Variants in BAZ2B observed in about 807,000 individuals in gnomAD.
BAZ2B encodes bromodomain adjacent to zinc finger domain protein 2B.
BAZ2B carries 91 observed loss-of-function variants against 246.0 expected under a neutral mutation model. The ratio of observed to expected loss-of-function variants is 0.37; its 90% CI spans 0.31 to 0.44. The LOEUF (loss-of-function observed/expected upper bound fraction) is 0.44, where lower values mean the gene tolerates loss of function less well. BAZ2B is among the 20% of genes least tolerant of loss of function. The probability of loss-of-function intolerance (pLI) is 1.00; values close to 1 mark genes in which losing one functional copy is unlikely to be tolerated. For synonymous variants in BAZ2B, 855 were observed against 860.0 expected, an observed-to-expected ratio of 0.99 and a Z score of 0.10; for missense variants, 2,332 against 2,533.7, an observed-to-expected ratio of 0.92 and a Z score of 1.71.
rs780466858 is a variant in BAZ2B, at chr2:159,347,641, T to C, written c.5299A>G (p.Ile1767Val). The C allele has an allele frequency of 1.2e-6, 2 of 1,600,862 alleles. No homozygotes were observed. The highest frequency in any genetic ancestry group is 1.1e-5 in the South Asian group (1 of 89,660). ...QACLKNKDVAIIELNENEENQ... is the reference protein window; with the variant it reads ...QACLKNKDVAVIELNENEENQ... ...TCTTCATTTTCATTCAGTTCAATAA[T>C]AGCAACTACATTTAAAAAGAAATTA... The change falls in exon 31 of 37, where the codon ATT becomes GTT. Residue 1767 changes from isoleucine (I) to valine (V), a missense_variant. By Grantham distance (29) the Ile-to-Val change is conservative. Around this residue, in one of 9 missense-constraint regions of BAZ2B, gnomAD observed 676 missense variants for 668.6 expected, o/e 1.01. Transcript: ENST00000392783.
chr2:159,424,747 T>C (rs2069465471), intron 13 of BAZ2B, among the ~76,000 whole-genome samples: 1 of 152,208 alleles, frequency 6.6e-6, no homozygotes, highest in Admixed American at 6.5e-5. Flanking sequence ...TAACACAGTA[T>C]TGGCATATAA....
chr2:159,654,382 T>C, the BAZ2B span, among the ~76,000 whole-genome samples: 1 of 152,086 alleles, frequency 6.6e-6, no homozygotes, highest in Non-Finnish European at 1.5e-5. Flanking sequence ...CTTGAATATA[T>C]CACATATTAT....
At chr2:159,325,139 A>G (rs2063509681) in intron 35 of BAZ2B, among the ~76,000 whole-genome samples, 185 bp from the exon 36 acceptor site, 1 of 66,010 alleles carries the variant, frequency 1.5e-5, no homozygotes, top group Non-Finnish European at 2.7e-5. Flanking sequence ...ATATATATAT[A>G]TATATATATG....
chr2:159,657,305 G>A, the BAZ2B span, among the ~76,000 whole-genome samples: 1 of 152,036 alleles, frequency 6.6e-6, no homozygotes, highest in Non-Finnish European at 1.5e-5. Context: ...TCTTTGCGTA[G>A]GTCTATTTCT....
chr2:159,426,261 A>G (rs1279594170), intron 13 of BAZ2B, among the ~76,000 whole-genome samples: 1 of 152,192 alleles, frequency 6.6e-6, no homozygotes, highest in Non-Finnish European at 1.5e-5. Context: ...AGGTCTAATT[A>G]TCACTGATAT....
chr2:159,403,368 G>A (rs2065399341), intron 16 of BAZ2B, among the ~76,000 whole-genome samples: 1 of 152,150 alleles, frequency 6.6e-6, no homozygotes. Flanking sequence ...CTTTTTCAAT[G>A]AGTAGCAAAG....
At chr2:159,334,401 T>C (rs1045586460) in intron 33 of BAZ2B, among the ~76,000 whole-genome samples, 4 of 152,178 alleles carry the variant, frequency 2.6e-5, no homozygotes, top group Non-Finnish European at 4.4e-5. Context: ...TAGAGAATTA[T>C]CTGGAGGCAA....
chr2:159,326,411 A>C (rs1340467617), intron 34 of BAZ2B, among the ~76,000 whole-genome samples: 1 of 152,142 alleles, frequency 6.6e-6, no homozygotes, highest in Non-Finnish European at 1.5e-5. Context: ...ATCTACTAGA[A>C]ATTGATTTGA....
intron 2 of BAZ2B, among the ~76,000 whole-genome samples, chr2:159,527,907 C>T (rs1316180767): frequency 6.6e-6 from 1 of 152,138 alleles, no homozygotes; most frequent in African/African-American, 2.4e-5. Context: ...ACTTGGAAGC[C>T]TTCTCACAGG....
At chr2:159,566,136 C>T (rs368657691) in intron 1 of BAZ2B, among the ~76,000 whole-genome samples, 34 of 152,182 alleles carry the variant, frequency 2.2e-4, no homozygotes, top group African/African-American at 5.5e-4. Flanking sequence ...CTCAGCCTCC[C>T]GAGTAGTTGA....
At chr2:159,603,664 C>T (rs1220511108) in intron 1 of BAZ2B, among the ~76,000 whole-genome samples, 1 of 150,484 alleles carries the variant, frequency 6.6e-6, no homozygotes, top group Non-Finnish European at 1.5e-5. Flanking sequence ...TCTTTTCCTC[C>T]TCCTTACAAA....
At chr2:159,673,272 C>T in the BAZ2B span, among the ~76,000 whole-genome samples, 1 of 152,160 alleles carries the variant, frequency 6.6e-6, no homozygotes, top group African/African-American at 2.4e-5. Context: ...TTCAGCTTCA[C>T]TTTCATGAGG....
At chr2:159,692,675 G>A in the BAZ2B span, among the ~76,000 whole-genome samples, 2 of 152,110 alleles carry the variant, frequency 1.3e-5, no homozygotes, top group Admixed American at 1.3e-4. Context: ...ACATAGTGAG[G>A]CCTGTCTCTT....
chr2:159,317,132 C>T (rs939526135), downstream of BAZ2B, among the ~76,000 whole-genome samples: 2 of 152,122 alleles, frequency 1.3e-5, no homozygotes, highest in African/African-American at 4.8e-5. Context: ...AGCAAATAAC[C>T]TTGAAAGAGG....
the BAZ2B span, among the ~76,000 whole-genome samples, chr2:159,679,287 A>AAAAAAAAAAAAAC: frequency 7.1e-6 from 1 of 139,910 alleles, no homozygotes; most frequent in Non-Finnish European, 1.5e-5. Context: ...AAAAAAAAAA[A>AAAAAAAAAAAAAC]AAAAAAAGAT....
intron 16 of BAZ2B, among the ~76,000 whole-genome samples, chr2:159,403,606 T>A (rs973129347): frequency 1.3e-5 from 2 of 152,178 alleles, no homozygotes; most frequent in African/African-American, 4.8e-5. Context: ...ATGCATTCAC[T>A]AGCCTATTTC....
chr2:159,358,969 G>T (rs2059399442), intron 27 of BAZ2B, among the ~76,000 whole-genome samples: 1 of 152,148 alleles, frequency 6.6e-6, no homozygotes, highest in African/African-American at 2.4e-5. Flanking sequence ...GATTTAGAGA[G>T]AAATTTATAG....
At position 159,349,897 on chromosome 2, in the gene BAZ2B, T is replaced by C; in HGVS notation, c.4674A>G (p.Gln1558=). The C allele has an allele frequency of 1.9e-6, 3 of 1,614,160 alleles. No individual in the cohort carries two copies. The highest frequency in any genetic ancestry group is 2.5e-6 in the Non-Finnish European group (3 of 1,180,000). ...GTGTTCGTGGCAAAAGACTAAACCA[T>C]TGTCTATTCTTTTCAGTCAGCGTTT... The part of the protein sequence containing the change: ...LLKTLTEKNR[Q]WFSLLPRTPC... The change falls in exon 28 of 37, where the codon CAA becomes CAG. Residue 1558 remains glutamine, a synonymous_variant. Transcript: ENST00000392783.
the BAZ2B span, chr2:159,690,292 A>C: frequency 3.4e-6 from 1 of 290,814 alleles, no homozygotes. Context: ...GCCACCTTTC[A>C]TAAGGCGCTC....
Sources: allele counts gnomAD v4.1 joint callset (sites outside exome capture counted in the v4.1 genomes callset), GRCh38; gene constraint gnomAD v4.1.1; regional missense constraint gnomAD v4.1.1; transcripts MANE v1.5; gene names NCBI Gene and HGNC (gene_info 2026-07-23, HGNC 2026-07-21).